The following PAK5 variants were observed in gnomAD, a reference collection of about 807,000 sequenced individuals.
PAK5 encodes the protein p21 (RAC1) activated kinase 5.
A neutral mutation model predicts 65.9 loss-of-function variants in PAK5; 16 were observed. That is an observed-to-expected ratio of 0.24 (90% CI 0.16 to 0.37). PAK5 has a LOEUF of 0.37. PAK5 is among the 10% of genes least tolerant of loss of function. The pLI is 1.00. For missense variants in PAK5, 785 were observed against 903.9 expected (o/e 0.87, Z 1.69); for synonymous variants, 371 against 354.9 (o/e 1.05, Z -0.51).
At chr20:9,684,626 T>A (rs1164118007) in intron 2 of PAK5, among the ~76,000 whole-genome samples, 1 of 152,202 alleles carries the variant, frequency 6.6e-6, no homozygotes, top group Non-Finnish European at 1.5e-5. Context: ...CTGCATGGCC[T>A]CTGTTGCTTT....
chr20:9,606,074 A>T (rs984769233), intron 3 of PAK5, among the ~76,000 whole-genome samples: 2 of 152,146 alleles, frequency 1.3e-5, no homozygotes, highest in Non-Finnish European at 2.9e-5. Flanking sequence ...TCAAATAGTA[A>T]TCTCCAATGT....
At chr20:9,821,651 C>A (rs1000893863) in intron 1 of PAK5, among the ~76,000 whole-genome samples, 2 of 152,154 alleles carry the variant, frequency 1.3e-5, no homozygotes, top group African/African-American at 4.8e-5. Flanking sequence ...TGCTAACTGC[C>A]CAACATCCAT....
At chr20:9,713,338 C>T (rs535685198) in intron 1 of PAK5, among the ~76,000 whole-genome samples, 1 of 151,712 alleles carries the variant, frequency 6.6e-6, no homozygotes, top group Non-Finnish European at 1.5e-5. Context: ...GTTAGAATGG[C>T]TATTATCAAA....
At chr20:9,730,261 A>G (rs1007724522) in intron 1 of PAK5, among the ~76,000 whole-genome samples, 2 of 151,994 alleles carry the variant, frequency 1.3e-5, no homozygotes, top group Non-Finnish European at 1.5e-5. Context: ...TTAACATTTT[A>G]TATCTCTAAC....
At chr20:9,790,658 A>G (rs1034296069) in intron 1 of PAK5, among the ~76,000 whole-genome samples, 2 of 152,032 alleles carry the variant, frequency 1.3e-5, no homozygotes, top group Admixed American at 1.3e-4. Context: ...GGTGTACAAC[A>G]CAACACCTAA....
At chr20:9,704,784 C>T (rs2047985000) in intron 2 of PAK5, among the ~76,000 whole-genome samples, 1 of 152,162 alleles carries the variant, frequency 6.6e-6, no homozygotes, top group African/African-American at 2.4e-5. Context: ...GTGACCACTG[C>T]ATTACCATGA....
intron 1 of PAK5, among the ~76,000 whole-genome samples, chr20:9,732,459 A>C (rs956496): frequency 0.67 from 102,302 of 152,040 alleles, 34,733 homozygotes; most frequent in South Asian, 0.84. Flanking sequence ...ACAAAGTAGA[A>C]AAAAAATCAC....
At chr20:9,802,423 G>A (rs1292232234) in intron 1 of PAK5, among the ~76,000 whole-genome samples, 20 of 152,038 alleles carry the variant, frequency 1.3e-4, no homozygotes. Flanking sequence ...ATGGGAGAAG[G>A]GAAGTAGTGT....
intron 1 of PAK5, among the ~76,000 whole-genome samples, chr20:9,743,123 C>G (rs560320509): frequency 6.6e-6 from 1 of 152,222 alleles, no homozygotes; most frequent in South Asian, 2.1e-4. Flanking sequence ...ATCCCAGCGC[C>G]TTGGGAAGCT....
intron 1 of PAK5, among the ~76,000 whole-genome samples, chr20:9,748,056 A>C (rs2048529471): frequency 6.6e-6 from 1 of 152,212 alleles, no homozygotes; most frequent in Non-Finnish European, 1.5e-5. Flanking sequence ...ATAAACAGAG[A>C]GCCAAATCAT....
At chr20:9,725,808 A>G (rs1382453981) in intron 1 of PAK5, among the ~76,000 whole-genome samples, 1 of 152,184 alleles carries the variant, frequency 6.6e-6, no homozygotes, top group African/African-American at 2.4e-5. Context: ...AGTAAATTTT[A>G]AATGCACTGA....
intron 3 of PAK5, among the ~76,000 whole-genome samples, chr20:9,612,711 G>T (rs1210836810): frequency 6.6e-6 from 1 of 152,060 alleles, no homozygotes; most frequent in African/African-American, 2.4e-5. Flanking sequence ...ATTTGAGCAG[G>T]TTACAAAGAT....
intron 1 of PAK5, among the ~76,000 whole-genome samples, chr20:9,825,855 A>T (rs2049477734): frequency 6.6e-6 from 1 of 152,228 alleles, no homozygotes; most frequent in Non-Finnish European, 1.5e-5. Flanking sequence ...CAAAATTAAG[A>T]AGACACAATA....
intron 3 of PAK5, among the ~76,000 whole-genome samples, chr20:9,643,268 T>G (rs2047092428): frequency 6.6e-6 from 1 of 152,232 alleles, no homozygotes. Flanking sequence ...GTTTCCATGA[T>G]GTTTAACTCC....
chr20:9,797,282 G>A (rs1197045826), intron 1 of PAK5, among the ~76,000 whole-genome samples: 2 of 151,872 alleles, frequency 1.3e-5, no homozygotes, highest in African/African-American at 4.8e-5. Context: ...TGTAGATTGT[G>A]GATATTAGCC....
At chr20:9,710,340 C>T (rs998454520) in intron 2 of PAK5, among the ~76,000 whole-genome samples, 5 of 152,130 alleles carry the variant, frequency 3.3e-5, no homozygotes, top group African/African-American at 1.2e-4. Context: ...GACATCAACA[C>T]CCTCTAAGTT....
intron 6 of PAK5, among the ~76,000 whole-genome samples, chr20:9,558,511 G>T (rs191399752): frequency 3.9e-5 from 6 of 152,216 alleles, no homozygotes; most frequent in Admixed American, 1.3e-4. Context: ...TTTCAGGCGT[G>T]GCTGTTAAAT....
intron 1 of PAK5, among the ~76,000 whole-genome samples, chr20:9,741,884 C>T (rs566457490): frequency 6.6e-6 from 1 of 152,128 alleles, no homozygotes; most frequent in South Asian, 2.1e-4. Flanking sequence ...AAAAAAAACT[C>T]CTCCCTCTTT....
chr20:9,719,987 T>C (rs1569057730), intron 1 of PAK5, among the ~76,000 whole-genome samples: 2 of 152,204 alleles, frequency 1.3e-5, no homozygotes, highest in Non-Finnish European at 2.9e-5. Flanking sequence ...TACAACTCCA[T>C]TGTAATGTCT....
Sources: gnomAD v4.1 joint callset for allele counts (sites outside exome capture counted in the v4.1 genomes callset) on GRCh38, gnomAD v4.1.1 for gene constraint, MANE v1.5 for transcripts, NCBI Gene and HGNC (gene_info 2026-07-23, HGNC 2026-07-21) for gene names.